The following ITIH5 variants were observed in gnomAD, a reference collection of about 807,000 sequenced individuals.
ITIH5 encodes inter-alpha-trypsin inhibitor heavy chain H5.
A neutral mutation model predicts 77.5 loss-of-function variants in ITIH5; 65 were observed. That is an observed-to-expected ratio of 0.84 (90% CI 0.69 to 1.03). The LOEUF (loss-of-function observed/expected upper bound fraction) is 1.03, where lower values mean the gene tolerates loss of function less well. Ranked by LOEUF, ITIH5 falls within the 50% of genes least tolerant of loss-of-function variation. The probability of loss-of-function intolerance (pLI) is 0.00; values close to 1 mark genes in which losing one functional copy is unlikely to be tolerated. For synonymous variants in ITIH5, 525 were observed against 494.3 expected, an observed-to-expected ratio of 1.06 and a Z score of -0.82; for missense variants, 1,208 against 1,213.1, an observed-to-expected ratio of 1.00 and a Z score of 0.06.
intron 7 of ITIH5, among the ~76,000 whole-genome samples, chr10:7,597,281 C>T (rs1289673940): frequency 1.3e-5 from 2 of 152,090 alleles, no homozygotes; most frequent in Non-Finnish European, 2.9e-5. Flanking sequence ...CTGTACTGTC[C>T]TTGGGCCTTC....
intron 1 of ITIH5, among the ~76,000 whole-genome samples, chr10:7,656,702 G>C (rs1343072085): frequency 6.6e-6 from 1 of 151,182 alleles, no homozygotes; most frequent in African/African-American, 2.4e-5. Context: ...TTACAATGTA[G>C]ATCAAAAACA....
At chr10:7,619,949 G>A (rs999631119) in intron 5 of ITIH5, 1 of 152,398 alleles carries the variant, frequency 6.6e-6, no homozygotes, top group Non-Finnish European at 1.5e-5. Flanking sequence ...GGCTGAGGCG[G>A]GTGGATCACC....
At position 7,563,369 on chromosome 10, in the gene ITIH5, T is replaced by A; in HGVS notation, c.2543A>T (p.Gln848Leu). 6.2e-7 allele frequency: 1 copy of A among 1,612,792 alleles called. No individual in the cohort carries two copies. The highest frequency in any genetic ancestry group is 2.2e-5 in the East Asian group (1 of 44,834). Reference sequence around the variant, plus strand: ...AGGGTCTTCTGTGAGTCTGGCATCCTGATTCAGGAACTGACCTGGGAGGAC... The same window carrying A: ...AGGGTCTTCTGTGAGTCTGGCATCCAGATTCAGGAACTGACCTGGGAGGAC... ...CHGLLGQFLN[Q>L]DARLTEDPAG... is the part of the protein sequence containing the mutation. Residue 848 changes from glutamine (Q) to leucine (L), a missense_variant, in exon 14 of 14, where the codon CAG (glutamine) becomes CTG (leucine). Coordinates refer to ENST00000397146, the MANE Select transcript of ITIH5 (RefSeq NM_030569.7).
intron 12 of ITIH5, among the ~76,000 whole-genome samples, chr10:7,566,905 GAA>G (rs1832195979): frequency 1.8e-5 from 2 of 108,364 alleles, no homozygotes; most frequent in Non-Finnish European, 1.9e-5. Context: ...AGAAGAAGAA[GAA>G]GAAGAAGAAG....
chr10:7,645,906 C>A (rs959331258), intron 2 of ITIH5, among the ~76,000 whole-genome samples: 2 of 152,206 alleles, frequency 1.3e-5, no homozygotes, highest in Non-Finnish European at 2.9e-5. Context: ...GCATGACAAC[C>A]TGTGGGGTTT....
At chr10:7,572,189 G>C in intron 11 of ITIH5, 5 of 1,206,038 alleles carry the variant, frequency 4.1e-6, no homozygotes, top group Non-Finnish European at 5.3e-6. Context: ...GCTCATCTCC[G>C]GGATGTCCCT....
intron 7 of ITIH5, among the ~76,000 whole-genome samples, chr10:7,611,792 TA>T (rs1239711284): frequency 6.6e-6 from 1 of 152,186 alleles, no homozygotes; most frequent in Non-Finnish European, 1.5e-5. Flanking sequence ...TTAAAATTTT[TA>T]TGTAGCTAAA....
intron 8 of ITIH5, among the ~76,000 whole-genome samples, chr10:7,582,044 T>C (rs1333995498): frequency 6.6e-6 from 1 of 151,476 alleles, no homozygotes; most frequent in Non-Finnish European, 1.5e-5. Flanking sequence ...CCTGGCTAAT[T>C]TTTGTACTTT....
At chr10:7,590,690 G>A (rs1397208524) in intron 7 of ITIH5, among the ~76,000 whole-genome samples, 2 of 152,168 alleles carry the variant, frequency 1.3e-5, no homozygotes, top group Non-Finnish European at 2.9e-5. Flanking sequence ...TCTGAGCAGC[G>A]CTGCTGGGAA....
intron 7 of ITIH5, among the ~76,000 whole-genome samples, chr10:7,610,749 C>T (rs904730869): frequency 6.6e-6 from 1 of 152,126 alleles, no homozygotes; most frequent in African/African-American, 2.4e-5. Context: ...AAAAATAGTC[C>T]GCAGATTTCA....
At chr10:7,643,901 G>T (rs1305588507) in intron 2 of ITIH5, among the ~76,000 whole-genome samples, 1 of 152,166 alleles carries the variant, frequency 6.6e-6, no homozygotes, top group Non-Finnish European at 1.5e-5. Flanking sequence ...ACCACCAAAA[G>T]CTTGAGAGAC....
In ITIH5 at chr10:7,637,213, G is replaced by T; in HGVS notation, c.652+15C>A. 6.2e-7 allele frequency: 1 copy of T among 1,601,674 alleles called. No homozygotes were observed. Among genetic ancestry groups the T allele is most frequent in the Non-Finnish European group, 8.5e-7 (1 of 1,178,210 alleles). ...TTCACCACAGATCTGCACGAACCCA[G>T]CACGCAGGACTCACCTTCCCCGCGC... is the stretch of plus-strand genomic sequence containing the variant. On this transcript the variant is annotated intron_variant, in intron 5 of 13. Coordinates refer to ENST00000397146, the MANE Select transcript of ITIH5 (RefSeq NM_030569.7).
chr10:7,625,659 G>C, intron 5 of ITIH5, among the ~76,000 whole-genome samples: 1 of 151,992 alleles, frequency 6.6e-6, no homozygotes, highest in East Asian at 1.9e-4. Flanking sequence ...CAGCTACTGG[G>C]GAGGCTGAGG....
intron 5 of ITIH5, chr10:7,620,799 G>A (rs552661292): frequency 1.3e-5 from 2 of 152,390 alleles, no homozygotes; most frequent in African/African-American, 4.8e-5. Flanking sequence ...GAGAGTTTCC[G>A]GGAGGCACTT....
Position 7,634,965 on chromosome 10 carries a change from T to C in ITIH5, c.652+2263A>G, listed in dbSNP as rs112519077. ...TGTGTTTGCTTTTCTTTTTATTTATTTATCTATTTTTTTCATAGAGACAAG... is the reference window on the plus strand; with the variant it reads ...TGTGTTTGCTTTTCTTTTTATTTATCTATCTATTTTTTTCATAGAGACAAG... On this transcript the variant is annotated intron_variant, in intron 5 of 13. Transcript: ENST00000397146. Among the ~76,000 whole-genome samples, 77 of 152,342 alleles carry C rather than the reference T, an allele frequency of 5.1e-4. 1 individual carries two copies. The highest frequency in any genetic ancestry group is 1.6e-3 in the African/African-American group (68 of 41,584).
chr10:7,585,822 T>C lies in ITIH5; in HGVS notation c.1108+79A>G. Reference sequence around the variant, plus strand: ...CCCCAGCTTTCAAATCCTTATCTCTTGGCAAAAAAAAAAAAAAACCAAAAA... The same window carrying C: ...CCCCAGCTTTCAAATCCTTATCTCTCGGCAAAAAAAAAAAAAAACCAAAAA... On this transcript the variant is annotated intron_variant, in intron 8 of 13. Coordinates refer to ENST00000397146, the MANE Select transcript of ITIH5 (RefSeq NM_030569.7). The C allele has an allele frequency of 6.9e-6, 8 of 1,162,778 alleles. No homozygotes were observed. The South Asian group carries it at 8.1e-5, about 12-fold the overall frequency. The allele number at this position is 1,162,778 out of a possible 1,614,324, so 72.0% of individuals were successfully genotyped here.
chr10:7,664,375 G>A (rs1483611998), intron 1 of ITIH5, among the ~76,000 whole-genome samples: 5 of 150,662 alleles, frequency 3.3e-5, no homozygotes. Context: ...ACTCCAGCCT[G>A]GGCGACACAG....
At chr10:7,588,347 T>C (rs2130982013) in intron 7 of ITIH5, among the ~76,000 whole-genome samples, 1 of 152,228 alleles carries the variant, frequency 6.6e-6, no homozygotes, top group Admixed American at 6.5e-5. Flanking sequence ...GGTGAAACCT[T>C]GTCTCTACTA....
Position 7,651,609 on chromosome 10 carries a change from AAAT to A in ITIH5, c.135+4019_135+4021del, listed in dbSNP as rs113525747. ...GGCCACAGAGTGAGACTCTGTCTCA[AAAT>A]AATAATAATAATAATAACAATAATA... On this transcript the variant is annotated intron_variant, in intron 2 of 13. Transcript: ENST00000397146. Among the ~76,000 whole-genome samples, 23 of 151,422 alleles carry A rather than the reference AAAT, an allele frequency of 1.5e-4. No homozygotes were observed. The East Asian group carries it at 2.9e-3, about 19-fold the overall frequency.
Sources: gnomAD v4.1 joint callset for allele counts (sites outside exome capture counted in the v4.1 genomes callset) on GRCh38, gnomAD v4.1.1 for gene constraint, MANE v1.5 for transcripts, NCBI Gene and HGNC (gene_info 2026-07-23, HGNC 2026-07-21) for gene names.